Variants in SPTBN4 observed in about 807,000 individuals in gnomAD.
The protein encoded by SPTBN4 is spectrin beta, non-erythrocytic 4.
A neutral mutation model predicts 277.8 loss-of-function variants in SPTBN4; 96 were observed. The ratio of observed to expected loss-of-function variants is 0.35; its 90% CI spans 0.29 to 0.41. The LOEUF (loss-of-function observed/expected upper bound fraction) is 0.41. Among genes scored for constraint, SPTBN4 ranks in the 10% least tolerant of loss-of-function variants. SPTBN4 has a pLI of 1.00. For synonymous variants in SPTBN4, 1,481 were observed against 1,580.3 expected, an observed-to-expected ratio of 0.94 and a Z score of 1.49; for missense variants, 3,006 against 3,595.7, an observed-to-expected ratio of 0.84 and a Z score of 4.19.
intron 18 of SPTBN4, among the ~76,000 whole-genome samples, chr19:40,529,333 A>G (rs1381539215): frequency 6.6e-6 from 1 of 152,200 alleles, no homozygotes; most frequent in Non-Finnish European, 1.5e-5. Context: ...ACTCCGGGAA[A>G]CGAAGGAGGG....
chr19:40,565,814 C>G, intron 29 of SPTBN4, 69 bp downstream of exon 29: 2 of 1,498,158 alleles, frequency 1.3e-6, no homozygotes, highest in African/African-American at 2.8e-5. Context: ...CAGCCAAGGC[C>G]CAGAGGGTGA....
Position 40,570,484 on chromosome 19 carries a change from G to A in SPTBN4, c.7075G>A (p.Gly2359Arg), listed in dbSNP as rs769389454. ...GCTTCCCCCAGGTCGCCTGCCCAAC[G>A]GGCTTGAGCTGCCCGAGCGGACACC... ...RELPPGRLPN[G>R]LELPERTPRP... The change falls in exon 33 of 36, where the codon GGG becomes AGG. Residue 2359 changes from glycine to arginine, a missense_variant. Gly to Arg is a moderately radical substitution (Grantham distance 125). Coordinates refer to ENST00000598249, the MANE Select transcript of SPTBN4 (RefSeq NM_020971.3). 1 of 1,556,088 alleles carries A rather than the reference G, an allele frequency of 6.4e-7. No individual in the cohort carries two copies. Among genetic ancestry groups the A allele is most frequent in the Non-Finnish European group, 8.6e-7 (1 of 1,160,248 alleles).
chr19:40,567,915 G>A lies in SPTBN4; in HGVS notation c.6589G>A (p.Glu2197Lys), dbSNP rs1450694200. The A allele has an allele frequency of 6.6e-7, 1 of 1,522,300 alleles. No homozygotes were observed. The highest frequency in any genetic ancestry group is 1.4e-5 in the African/African-American group (1 of 69,186). The allele number at this position is 1,522,300 out of a possible 1,614,324, so 94.3% of individuals were successfully genotyped here. Residue 2197 changes from glutamate to lysine, a missense_variant, in exon 31 of 36, where the codon GAG becomes AAG. Transcript: ENST00000598249. Reference protein sequence around the residue: ...RLQPRIDRLPEIPGRVEPAAL... With the variant: ...RLQPRIDRLPKIPGRVEPAAL... ...CCAGCCGCGCATTGACCGGCTGCCG[G>A]AGATCCCGGGGAGGGTGGAGCCCGC... is the stretch of plus-strand genomic sequence containing the variant.
chr19:40,561,881 A>G (rs2081046152), intron 27 of SPTBN4, among the ~76,000 whole-genome samples: 1 of 152,126 alleles, frequency 6.6e-6, no homozygotes. Flanking sequence ...ATATACATAC[A>G]TAGGAAGGGA....
Position 40,532,368 on chromosome 19 carries a change from C to T in SPTBN4, c.3949-257C>T, listed in dbSNP as rs572604335. Among the ~76,000 whole-genome samples, 28 of 152,080 alleles carry T rather than the reference C, an allele frequency of 1.8e-4. No individual in the cohort carries two copies. The South Asian group carries it at 4.8e-3, about 26-fold the overall frequency. ...CTTGTGGGGAGTTGAGGAGGGCTTC[C>T]CTCAGGACAGGGGACAGGGGAGCAA... is the stretch of plus-strand genomic sequence containing the variant. On this transcript the variant is annotated intron_variant, in intron 18 of 35. Coordinates refer to ENST00000598249, the MANE Select transcript of SPTBN4 (RefSeq NM_020971.3).
intron 20 of SPTBN4, among the ~76,000 whole-genome samples, chr19:40,539,854 A>G (rs1158195628): frequency 6.6e-6 from 1 of 152,122 alleles, no homozygotes; most frequent in Non-Finnish European, 1.5e-5. Context: ...GAAGGTGAAA[A>G]GACATAATGC....
chr19:40,556,933 G>C, intron 25 of SPTBN4, 90 bp from the exon 26 acceptor site: 1 of 1,441,634 alleles, frequency 6.9e-7, no homozygotes, highest in African/African-American at 1.5e-5. Flanking sequence ...GTATCAAAAA[G>C]AAAAAAAAAC....
chr19:40,569,630 TG>T lies in SPTBN4; in HGVS notation c.6957-24del, dbSNP rs553459364. 1.1e-5 allele frequency: 17 copies of T among 1,610,642 alleles called. No individual in the cohort carries two copies. The East Asian group carries it at 3.4e-4, about 32-fold the overall frequency. On this transcript the variant is annotated intron_variant, in intron 31 of 35. Transcript: ENST00000598249. ...ATGGGAGAAGGAACCCTGGTTTCAC[TG>T]GGTCTTTCTGTCCCCCATCCCCCAG...
At position 40,502,173 on chromosome 19, in the gene SPTBN4, G is replaced by A. The variant is rs761417370; in HGVS notation, c.943G>A (p.Glu315Lys). Residue 315 changes from glutamate to lysine, a missense_variant, in exon 9 of 36, where the codon GAG (glutamate) becomes AAG (lysine). Physicochemically the swap from Glu to Lys is moderately conservative, Grantham distance 56. Around this residue, in one of 5 missense-constraint regions of SPTBN4, gnomAD observed 1,759 missense variants for 2,061.5 expected, o/e 0.85. Coordinates refer to ENST00000598249, the MANE Select transcript of SPTBN4 (RefSeq NM_020971.3). This position sits in a 1 kb window ranked among gnomAD's most constrained non-coding sequence, Gnocchi z 4.9. ...GGTGGGGAAGATCATAGAACGCTACGAGGAGCTGGCGGCTGAGCTGCTGGC... is the reference window on the plus strand; with the variant it reads ...GGTGGGGAAGATCATAGAACGCTACAAGGAGCTGGCGGCTGAGCTGCTGGC... The part of the protein sequence containing the change: ...LEVGKIIERY[E>K]ELAAELLAWI... 12 of 1,613,990 alleles carry A rather than the reference G, an allele frequency of 7.4e-6. No individual in the cohort carries two copies. Among genetic ancestry groups the A allele is most frequent in the Admixed American group, 3.3e-5 (2 of 59,988 alleles).
At chr19:40,499,305 G>T (rs1424752141) in intron 7 of SPTBN4, among the ~76,000 whole-genome samples, 2 of 151,734 alleles carry the variant, frequency 1.3e-5, no homozygotes, top group African/African-American at 4.8e-5. Context: ...CTCCCAAAGA[G>T]CTGGGATTAC....
At chr19:40,488,797 G>A (rs901155719) in intron 3 of SPTBN4, among the ~76,000 whole-genome samples, 1 of 152,042 alleles carries the variant, frequency 6.6e-6, no homozygotes, top group African/African-American at 2.4e-5. Context: ...GCGACAAAGC[G>A]AGACTCTGTT....
At chr19:40,505,317 G>A (rs1249664179) in intron 12 of SPTBN4, among the ~76,000 whole-genome samples, 1 of 147,926 alleles carries the variant, frequency 6.8e-6, no homozygotes, top group African/African-American at 2.5e-5. Context: ...CCAGGAGGTT[G>A]AGGCTGTGTG....
chr19:40,540,923 A>G (rs556690944), intron 20 of SPTBN4, among the ~76,000 whole-genome samples: 1 of 151,950 alleles, frequency 6.6e-6, no homozygotes, highest in East Asian at 1.9e-4. Flanking sequence ...GCTTTTGCCA[A>G]ATTGCCTGCC....
intron 18 of SPTBN4, chr19:40,530,595 CG>C: frequency 3.1e-6 from 3 of 979,882 alleles, no homozygotes; most frequent in Non-Finnish European, 3.6e-6. Flanking sequence ...CTTCAGGTCT[CG>C]GGGGCGCCCA....
In SPTBN4 at chr19:40,515,954, CATAT is replaced by C. The variant is rs1178907309; in HGVS notation, c.2903+510_2903+513del. Among the ~76,000 whole-genome samples the C allele has an allele frequency of 1.4e-5, 2 of 146,506 alleles. No individual in the cohort carries two copies. The highest frequency in any genetic ancestry group is 1.4e-4 in the Admixed American group (2 of 14,620). On this transcript the variant is annotated intron_variant, in intron 15 of 35. Transcript: ENST00000598249. This position sits in a 1 kb window ranked among gnomAD's most constrained non-coding sequence, Gnocchi z 4.1. ...ACACACATATATACGTATATATACA[CATAT>C]ATACGTATATATACACATATATACG...
chr19:40,472,682 C>G lies in SPTBN4; in HGVS notation c.61C>G (p.Pro21Ala), dbSNP rs762129766. Residue 21 changes from proline to alanine, a missense_variant, in exon 2 of 36, where the codon CCT (proline) becomes GCT (alanine). Pro to Ala is a conservative substitution (Grantham distance 27). Transcript: ENST00000598249. ...GGGCCTGCCTGCTCCTAACAACAAC[C>G]CTGCTGCCCGCTGGGAGAGTCCGGA... ...MEGLPAPNNNPAARWESPDRG... is the reference protein window; with the variant it reads ...MEGLPAPNNNAAARWESPDRG... 5 of 1,613,900 alleles carry G rather than the reference C, an allele frequency of 3.1e-6. No individual in the cohort carries two copies. The highest frequency in any genetic ancestry group is 1.3e-5 in the African/African-American group (1 of 75,052).
In SPTBN4 at chr19:40,490,881, A is replaced by G. The variant is rs1457952205; in HGVS notation, c.495+633A>G. On this transcript the variant is annotated intron_variant, in intron 4 of 35. Coordinates refer to ENST00000598249, the MANE Select transcript of SPTBN4 (RefSeq NM_020971.3). The surrounding 1 kb of genome is among the most constrained non-coding windows in gnomAD (Gnocchi z 4.3). ...TGGCCAACATAATGAGACCTTAAAT[A>G]AATTTAAAAAATTAGCCAGGCATGG... Among the ~76,000 whole-genome samples the G allele has an allele frequency of 2.0e-5, 3 of 152,004 alleles. No homozygotes were observed.
chr19:40,549,395 C>T lies in SPTBN4; in HGVS notation c.4566C>T (p.His1522=). The T allele has an allele frequency of 1.3e-6, 2 of 1,495,298 alleles. No individual in the cohort carries two copies. Among genetic ancestry groups the T allele is most frequent in the Non-Finnish European group, 1.8e-6 (2 of 1,127,604 alleles). 92.6% of individuals were successfully genotyped at this position (1,495,298 alleles called of 1,614,324 possible). Residue 1522 remains histidine, a synonymous_variant, in exon 21 of 36, where the codon CAC becomes CAT. Transcript: ENST00000598249. Reference sequence around the variant, plus strand: ...CCAAGGAGTTGCACCAGGTGGCGCACGACCTGGACGACGAGCTGGTGAGGC... The same window carrying T: ...CCAAGGAGTTGCACCAGGTGGCGCATGACCTGGACGACGAGCTGGTGAGGC... ...LASKELHQVA[H]DLDDELAWVQ...
rs779110171 is a variant in SPTBN4, at chr19:40,554,281, G to C, written c.4809G>C (p.Trp1603Cys). ...GCCTGGAGCAGCTGCAGAGCGCCTG[G>C]GCCGGACTGCGGGAGGCTGCCGAGC... is the stretch of plus-strand genomic sequence containing the variant. ...RRGLEQLQSA[W>C]AGLREAAERR... The change falls in exon 23 of 36, where the codon TGG becomes TGC. Residue 1603 changes from tryptophan to cysteine, a missense_variant. Trp to Cys is a radical substitution (Grantham distance 215). Coordinates refer to ENST00000598249, the MANE Select transcript of SPTBN4 (RefSeq NM_020971.3). This position sits in a 1 kb window ranked among gnomAD's most constrained non-coding sequence, Gnocchi z 5.7. 4.1e-5 allele frequency: 63 copies of C among 1,537,274 alleles called. No individual in the cohort carries two copies.
Sources: allele counts gnomAD v4.1 joint callset (sites outside exome capture counted in the v4.1 genomes callset), GRCh38; gene constraint gnomAD v4.1.1; regional missense constraint gnomAD v4.1.1; non-coding constraint Gnocchi (gnomAD v3.1); transcripts MANE v1.5; gene names NCBI Gene and HGNC (gene_info 2026-07-23, HGNC 2026-07-21).